HSPG2: variants seen among roughly 807,000 people sequenced by gnomAD.
HSPG2 encodes the protein heparan sulfate proteoglycan 2.
HSPG2 carries 278 observed loss-of-function variants against 526.6 expected under a neutral mutation model. That is an observed-to-expected ratio of 0.53 (90% CI 0.48 to 0.58). The LOEUF is 0.58. Ranked by LOEUF, HSPG2 falls within the 20% of genes least tolerant of loss-of-function variation. The pLI is 0.00. For missense variants in HSPG2, 5,354 were observed against 6,099.5 expected (o/e 0.88, Z 4.07); for synonymous variants, 2,465 against 2,555.4 (o/e 0.96, Z 1.07).
Position 21,822,310 on chromosome 1 carries a change from C to T in HSPG2, c.*1006G>A. 7.5e-7 allele frequency: 1 copy of T among 1,332,614 alleles called. No individual in the cohort carries two copies. Among genetic ancestry groups the T allele is most frequent in the Non-Finnish European group, 1.1e-6 (1 of 931,044 alleles). The allele number at this position is 1,332,614 out of a possible 1,614,324, so 82.5% of individuals were successfully genotyped here. On this transcript the variant is annotated 3_prime_UTR_variant, in exon 97 of 97. Transcript: ENST00000374695. The stretch of plus-strand genomic sequence containing the variant: ...GACCACAGGAGGGTCCCTTCTAGGA[C>T]ACAGAGGCCAGGCGTCCCAACCCCA...
chr1:21,850,508 A>G lies in HSPG2; in HGVS notation c.7159-10T>C. The G allele has an allele frequency of 1.9e-6, 3 of 1,603,272 alleles. No homozygotes were observed. Among genetic ancestry groups the G allele is most frequent in the Non-Finnish European group, 2.6e-6 (3 of 1,173,726 alleles). On this transcript the variant is annotated splice_polypyrimidine_tract_variant and intron_variant, in intron 55 of 96. Coordinates refer to ENST00000374695, the MANE Select transcript of HSPG2 (RefSeq NM_005529.7). ...GCAGGGAGCCGTGGGTCTGGCCAGA[A>G]TGGGGGTGAGTCAGAGGGAGCCCTC... is the stretch of plus-strand genomic sequence containing the variant.
At chr1:21,846,046 C>T in intron 64 of HSPG2, 62 bp downstream of exon 64, 1 of 1,585,656 alleles carries the variant, frequency 6.3e-7, no homozygotes, top group Non-Finnish European at 8.6e-7. Flanking sequence ...CCAGTTCTGC[C>T]CCCTGGTCTC....
rs369519412 is a variant in HSPG2, at chr1:21,884,831, G to A, written c.1443C>T (p.Ala481=). 1 of 1,613,892 alleles carries A rather than the reference G, an allele frequency of 6.2e-7. No homozygotes were observed. The highest frequency in any genetic ancestry group is 8.5e-7 in the Non-Finnish European group (1 of 1,180,022). ...ESDQGAYTCE[A]MNARGMVFGI... ...CAAACACCATGCCCCGGGCGTTCATGGCCTCACAGGTGTAGGCACCCTGGT... is the reference window on the plus strand; with the variant it reads ...CAAACACCATGCCCCGGGCGTTCATAGCCTCACAGGTGTAGGCACCCTGGT... The change falls in exon 12 of 97, where the codon GCC becomes GCT. Residue 481 remains alanine (A), a synonymous_variant. Coordinates refer to ENST00000374695, the MANE Select transcript of HSPG2 (RefSeq NM_005529.7).
chr1:21,881,488 T>C lies in HSPG2; in HGVS notation c.1669A>G (p.Met557Val), dbSNP rs1557776811. 4 of 1,612,056 alleles carry C rather than the reference T, an allele frequency of 2.5e-6. No homozygotes were observed. The highest frequency in any genetic ancestry group is 3.4e-6 in the Non-Finnish European group (4 of 1,179,866). The part of the protein sequence containing the change: ...PDDFKGVNVT[M>V]PAQPGTPPLS... The stretch of plus-strand genomic sequence containing the variant: ...GGTGGCGTGCCGGGCTGCGCAGGCA[T>C]TGTCACATTCACACCTGTGGGTGGC... The change falls in exon 14 of 97, where the codon ATG becomes GTG. Residue 557 changes from methionine to valine, a missense_variant. Transcript: ENST00000374695.
intron 1 of HSPG2, among the ~76,000 whole-genome samples, chr1:21,935,644 C>T (rs1322182256): frequency 1.3e-5 from 2 of 152,224 alleles, no homozygotes; most frequent in African/African-American, 2.4e-5. Flanking sequence ...AACAACTCCA[C>T]CCACCGCCAT....
Position 21,848,097 on chromosome 1 carries a change from C to T in HSPG2, c.7738-4G>A, listed in dbSNP as rs764102615. 8.8e-6 allele frequency: 14 copies of T among 1,589,682 alleles called. No individual in the cohort carries two copies. The highest frequency in any genetic ancestry group is 2.3e-5 in the East Asian group (1 of 43,412). On this transcript the variant is annotated splice_polypyrimidine_tract_variant and splice_region_variant and intron_variant, in intron 59 of 96. Transcript: ENST00000374695. This position sits in a 1 kb window ranked among gnomAD's most constrained non-coding sequence, Gnocchi z 4.9. Reference sequence around the variant, plus strand: ...TCCGCAGCCGGGAGCCCACGATCTGCAGGAAGCAGATGGCAGGAGGTATGG... The same window carrying T: ...TCCGCAGCCGGGAGCCCACGATCTGTAGGAAGCAGATGGCAGGAGGTATGG...
At position 21,824,015 on chromosome 1, in the gene HSPG2, C is replaced by G. The variant is rs1375866290; in HGVS notation, c.12899+106G>C. 1.7e-5 allele frequency: 20 copies of G among 1,149,324 alleles called. No homozygotes were observed. In the East Asian group the frequency reaches 5.1e-4, roughly 29 times the overall value. 71.2% of individuals were successfully genotyped at this position (1,149,324 alleles called of 1,614,324 possible). On this transcript the variant is annotated intron_variant, in intron 95 of 96. Transcript: ENST00000374695. The surrounding 1 kb of genome is among the most constrained non-coding windows in gnomAD (Gnocchi z 5.9). ...TTCTCCCCTCCCCTGGCTTCAAGTT[C>G]TGTCTCCACAGAGCTCAATACCTGC...
rs1406507318 is a variant in HSPG2 at position 21,824,426 on chromosome 1, G to A, written c.12745-50C>T. On this transcript the variant is annotated intron_variant, in intron 93 of 96. Coordinates refer to ENST00000374695, the MANE Select transcript of HSPG2 (RefSeq NM_005529.7). The surrounding 1 kb of genome is among the most constrained non-coding windows in gnomAD (Gnocchi z 5.9). Reference sequence around the variant, plus strand: ...GGGGTCCCCAGCCTGGAGAGCAGAGGCTGCCGAGGCCAGGGGGCTCTGCTT... The same window carrying A: ...GGGGTCCCCAGCCTGGAGAGCAGAGACTGCCGAGGCCAGGGGGCTCTGCTT... The A allele has an allele frequency of 3.1e-6, 5 of 1,606,264 alleles. No homozygotes were observed. The highest frequency in any genetic ancestry group is 1.7e-5 in the Admixed American group (1 of 60,028).
At chr1:21,879,701 G>A (rs1446909813) in intron 17 of HSPG2, among the ~76,000 whole-genome samples, 2 of 151,836 alleles carry the variant, frequency 1.3e-5, no homozygotes, top group Non-Finnish European at 2.9e-5. Flanking sequence ...TGCCCAGGCT[G>A]GAGTGCAGGG....
rs1368049311 is a variant in HSPG2, at chr1:21,857,201, G to C, written c.5395-6C>G. 2.5e-6 allele frequency: 4 copies of C among 1,614,152 alleles called. No homozygotes were observed. The highest frequency in any genetic ancestry group is 3.4e-6 in the Non-Finnish European group (4 of 1,180,014). ...ACCAGGGTATAGGCTGGGGACTGCAGGGCAAGGCGAAAGGGGGTCATGGGT... is the reference window on the plus strand; with the variant it reads ...ACCAGGGTATAGGCTGGGGACTGCACGGCAAGGCGAAAGGGGGTCATGGGT... On this transcript the variant is annotated splice_region_variant and splice_polypyrimidine_tract_variant and intron_variant, in intron 43 of 96. Transcript: ENST00000374695.
intron 30 of HSPG2, 106 bp from the exon 31 acceptor site, chr1:21,873,197 G>C (rs2152745452): frequency 2.6e-6 from 3 of 1,156,578 alleles, no homozygotes; most frequent in Non-Finnish European, 3.9e-6. Context: ...TCTGATGTGA[G>C]TACTCAACAC....
At chr1:21,873,896 C>A in intron 29 of HSPG2, 29 bp downstream of exon 29, 2 of 1,535,592 alleles carry the variant, frequency 1.3e-6, no homozygotes, top group Non-Finnish European at 1.8e-6. Context: ...CTGTGCGCAT[C>A]CCCCCACCCT....
Position 21,839,718 on chromosome 1 carries a change from C to G in HSPG2, c.9709+104G>C. The stretch of plus-strand genomic sequence containing the variant: ...GCTAGCAACACGGTCTCCCCGTACT[C>G]CCCACCCCTGGGCATGACATCATCT... On this transcript the variant is annotated intron_variant, in intron 72 of 96. Coordinates refer to ENST00000374695, the MANE Select transcript of HSPG2 (RefSeq NM_005529.7). This position sits in a 1 kb window ranked among gnomAD's most constrained non-coding sequence, Gnocchi z 4.5. 7.0e-7 allele frequency: 1 copy of G among 1,429,760 alleles called. No homozygotes were observed. The highest frequency in any genetic ancestry group is 1.2e-5 in the South Asian group (1 of 84,370). 88.6% of individuals were successfully genotyped at this position (1,429,760 alleles called of 1,614,324 possible).
At chr1:21,932,755 G>A (rs1397386297) in intron 1 of HSPG2, among the ~76,000 whole-genome samples, 1 of 152,176 alleles carries the variant, frequency 6.6e-6, no homozygotes, top group Non-Finnish European at 1.5e-5. Context: ...GTGGGAGTGT[G>A]TTTCACATGC....
Position 21,876,587 on chromosome 1 carries a change from G to C in HSPG2, c.2751C>G (p.Asn917Lys). Residue 917 changes from asparagine (N) to lysine (K), a missense_variant, in exon 22 of 97, where the codon AAC becomes AAG. Coordinates refer to ENST00000374695, the MANE Select transcript of HSPG2 (RefSeq NM_005529.7). ...ADGSFHLSTR[N>K]PDGCLKCFCM... ...AGAAGCACTTGAGGCAGCCATCGGG[G>C]TTTCGGGTACTCAGGTGGAAAGAGC... 1 of 1,614,246 alleles carries C rather than the reference G, an allele frequency of 6.2e-7. No individual in the cohort carries two copies. Among genetic ancestry groups the C allele is most frequent in the Non-Finnish European group, 8.5e-7 (1 of 1,180,040 alleles).
chr1:21,863,471 C>G (rs1639987245), intron 37 of HSPG2, among the ~76,000 whole-genome samples: 2 of 152,122 alleles, frequency 1.3e-5, no homozygotes, highest in South Asian at 4.1e-4. Context: ...TTTGTGGTAT[C>G]AACAATAGGG....
At chr1:21,926,271 T>C (rs1644188277) in intron 1 of HSPG2, among the ~76,000 whole-genome samples, 1 of 152,108 alleles carries the variant, frequency 6.6e-6, no homozygotes, top group South Asian at 2.1e-4. Context: ...GCAGTTTTAA[T>C]GAGAAGGTGT....
At chr1:21,861,601 C>T (rs573992550) in intron 39 of HSPG2, among the ~76,000 whole-genome samples, 156 bp downstream of exon 39, 3 of 152,206 alleles carry the variant, frequency 2.0e-5, no homozygotes, top group Admixed American at 2.0e-4. Context: ...GGAGGGTGGG[C>T]TTGTCCCAAG....
At chr1:21,896,656 C>T (rs375097265) in intron 1 of HSPG2, among the ~76,000 whole-genome samples, 12 of 151,908 alleles carry the variant, frequency 7.9e-5, no homozygotes, top group African/African-American at 2.2e-4. Flanking sequence ...TGGGGGGATG[C>T]GGGCGGGTAA....
Sources: allele counts gnomAD v4.1 joint callset (sites outside exome capture counted in the v4.1 genomes callset), GRCh38; gene constraint gnomAD v4.1.1; non-coding constraint Gnocchi (gnomAD v3.1); transcripts MANE v1.5; gene names NCBI Gene and HGNC (gene_info 2026-07-23, HGNC 2026-07-21).